ALPK2: variants seen among roughly 807,000 people sequenced by gnomAD.
ALPK2 encodes alpha kinase 2, also known as alpha-protein kinase 2.
ALPK2 carries 127 observed loss-of-function variants against 163.1 expected under a neutral mutation model. The ratio of observed to expected loss-of-function variants is 0.78; its 90% CI spans 0.67 to 0.90. The LOEUF is 0.90. Ranked by LOEUF, ALPK2 falls within the 40% of genes least tolerant of loss-of-function variation. ALPK2 has a pLI of 0.00. For missense variants in ALPK2, 2,360 were observed against 2,589.6 expected (o/e 0.91, Z 1.92); for synonymous variants, 953 against 959.1 (o/e 0.99, Z 0.12).
In ALPK2 at chr18:58,529,209, C is replaced by T. The variant is rs562011454; in HGVS notation, c.5383G>A (p.Glu1795Lys). 1 of 1,613,116 alleles carries T rather than the reference C, an allele frequency of 6.2e-7. No homozygotes were observed. Among genetic ancestry groups the T allele is most frequent in the African/African-American group, 1.3e-5 (1 of 75,004 alleles). Reference protein sequence around the residue: ...APVLLKKIQAEMFPEHSGNVK... With the variant: ...APVLLKKIQAKMFPEHSGNVK... ...TTTCCAGAGTGTTCAGGGAACATCT[C>T]AGCTTGGATCTTTTTCAGTAATACT... The change falls in exon 6 of 13, where the codon GAG becomes AAG. Residue 1795 changes from glutamate (E) to lysine (K), a missense_variant. Physicochemically the swap from Glu to Lys is moderately conservative, Grantham distance 56. Transcript: ENST00000361673.
chr18:58,521,211 C>A (rs1248776419), intron 8 of ALPK2, among the ~76,000 whole-genome samples: 1 of 152,140 alleles, frequency 6.6e-6, no homozygotes, highest in East Asian at 1.9e-4. Flanking sequence ...TGGGCTATAG[C>A]GGTGGTACCA....
At chr18:58,490,677 G>A (rs975070443) in intron 12 of ALPK2, among the ~76,000 whole-genome samples, 14 of 152,012 alleles carry the variant, frequency 9.2e-5, no homozygotes, top group Non-Finnish European at 1.6e-4. Context: ...AGAAAAATGT[G>A]AGAGGAGGGC....
At chr18:58,564,254 C>T (rs983539676) in intron 4 of ALPK2, among the ~76,000 whole-genome samples, 2 of 151,388 alleles carry the variant, frequency 1.3e-5, no homozygotes, top group Non-Finnish European at 2.9e-5. Flanking sequence ...TCCCACATAG[C>T]TGGGATTACA....
rs766982751 is a variant in ALPK2, at chr18:58,503,976, C to T, written c.6202G>A (p.Val2068Met). Residue 2068 changes from valine (V) to methionine (M), a missense_variant, in exon 11 of 13, where the codon GTG becomes ATG. Coordinates refer to ENST00000361673, the MANE Select transcript of ALPK2 (RefSeq NM_052947.4). Reference protein sequence around the residue: ...GQKCCTFQHWVYQKTSGCLLV... With the variant: ...GQKCCTFQHWMYQKTSGCLLV... ...AGGCAGCCACTTGTTTTCTGGTACA[C>T]CCAGTGCTGGAAGGTGCAACATTTC... is the stretch of plus-strand genomic sequence containing the variant. 6.2e-7 allele frequency: 1 copy of T among 1,614,152 alleles called. No homozygotes were observed. Among genetic ancestry groups the T allele is most frequent in the South Asian group, 1.1e-5 (1 of 91,078 alleles).
chr18:58,542,905 G>A lies in ALPK2; in HGVS notation c.1963-4681C>T, dbSNP rs1037521549. 2.0e-5 allele frequency among the ~76,000 whole-genome samples: 3 copies of A among 152,176 alleles called. 1 individual carries two copies. Among genetic ancestry groups the A allele is most frequent in the Non-Finnish European group, 4.4e-5 (3 of 68,032 alleles). ...GTGGTGTGGGTCAGGAGTTTGCAGAGTGCTAGTTTGAATGTCCACTCAAAA... is the reference window on the plus strand; with the variant it reads ...GTGGTGTGGGTCAGGAGTTTGCAGAATGCTAGTTTGAATGTCCACTCAAAA... On this transcript the variant is annotated intron_variant, in intron 4 of 12. Coordinates refer to ENST00000361673, the MANE Select transcript of ALPK2 (RefSeq NM_052947.4).
chr18:58,487,880 A>T (rs1602181641), intron 12 of ALPK2, among the ~76,000 whole-genome samples: 1 of 140,796 alleles, frequency 7.1e-6, no homozygotes, highest in African/African-American at 2.7e-5. Flanking sequence ...AAAAACAAAA[A>T]ATATGAATAG....
rs2051410507 is a variant in ALPK2, at chr18:58,498,111, A to G, written c.6248-14T>C. 2.4e-5 allele frequency: 39 copies of G among 1,614,046 alleles called. No individual in the cohort carries two copies. The highest frequency in any genetic ancestry group is 3.3e-5 in the Non-Finnish European group (39 of 1,179,930). ...TCATTCCTACACCTACAGGAAGAGA[A>G]AGCAAAGATGGGAGTTTGTGTTACT... On this transcript the variant is annotated splice_polypyrimidine_tract_variant and intron_variant, in intron 11 of 12. Coordinates refer to ENST00000361673, the MANE Select transcript of ALPK2 (RefSeq NM_052947.4).
At chr18:58,487,710 C>T (rs2051346833) in intron 12 of ALPK2, among the ~76,000 whole-genome samples, 1 of 152,232 alleles carries the variant, frequency 6.6e-6, no homozygotes, top group South Asian at 2.1e-4. Context: ...AGAATTGGAA[C>T]ACTAAATGTA....
chr18:58,599,676 A>G (rs1250391590), intron 3 of ALPK2, among the ~76,000 whole-genome samples: 1 of 152,244 alleles, frequency 6.6e-6, no homozygotes, highest in Admixed American at 6.5e-5. Flanking sequence ...TATTTTAATC[A>G]GTTCCAAAAT....
intron 4 of ALPK2, among the ~76,000 whole-genome samples, chr18:58,574,380 C>T (rs565725523): frequency 6.7e-5 from 9 of 133,360 alleles, no homozygotes; most frequent in African/African-American, 1.4e-4. Flanking sequence ...ACCCAGGAGG[C>T]GGAGGTTGCA....
intron 1 of ALPK2, among the ~76,000 whole-genome samples, chr18:58,620,239 C>T (rs2052191268): frequency 2.6e-5 from 4 of 152,040 alleles, no homozygotes; most frequent in South Asian, 2.1e-4. Context: ...GGCAGAGAGC[C>T]GAGATCACGC....
At chr18:58,516,091 C>T (rs1306460672) in intron 9 of ALPK2, among the ~76,000 whole-genome samples, 1 of 151,964 alleles carries the variant, frequency 6.6e-6, no homozygotes, top group Non-Finnish European at 1.5e-5. Flanking sequence ...TGATGGCATG[C>T]GCCTGTAGTC....
At position 58,523,972 on chromosome 18, in the gene ALPK2, G is replaced by A. The variant is rs751718165; in HGVS notation, c.5592C>T (p.Tyr1864=). ...GLYYCCIKNS[Y]GKVTAEFNLT... ...GGTTAAATTCAGCAGTCACTTTTCCGTAGCTGTTCTTGATGCAGCAGTAAT... is the reference window on the plus strand; with the variant it reads ...GGTTAAATTCAGCAGTCACTTTTCCATAGCTGTTCTTGATGCAGCAGTAAT... The change falls in exon 7 of 13, where the codon TAC becomes TAT. Residue 1864 remains tyrosine (Y), a synonymous_variant. Coordinates refer to ENST00000361673, the MANE Select transcript of ALPK2 (RefSeq NM_052947.4). 24 of 1,614,136 alleles carry A rather than the reference G, an allele frequency of 1.5e-5. No homozygotes were observed. The highest frequency in any genetic ancestry group is 6.7e-5 in the East Asian group (3 of 44,872).
intron 10 of ALPK2, among the ~76,000 whole-genome samples, chr18:58,507,030 T>G (rs1386946960): frequency 7.9e-5 from 12 of 152,214 alleles, no homozygotes; most frequent in Non-Finnish European, 8.8e-5. Flanking sequence ...AGATACCACT[T>G]TCAAGGGCCT....
In ALPK2 at chr18:58,537,434, G is replaced by A; in HGVS notation, c.2753C>T (p.Thr918Ile). ...ATGTACTGTGGAGGCCAGTGGGTAGGTGGAATTCTCCACCTTGGCTAGATT... is the reference window on the plus strand; with the variant it reads ...ATGTACTGTGGAGGCCAGTGGGTAGATGGAATTCTCCACCTTGGCTAGATT... ...GENLAKVENSTYPLASTVHAG... is the reference protein window; with the variant it reads ...GENLAKVENSIYPLASTVHAG... Residue 918 changes from threonine to isoleucine, a missense_variant, in exon 5 of 13, where the codon ACC (threonine) becomes ATC (isoleucine). Physicochemically the swap from Thr to Ile is moderately conservative, Grantham distance 89. Coordinates refer to ENST00000361673, the MANE Select transcript of ALPK2 (RefSeq NM_052947.4). The A allele has an allele frequency of 6.2e-7, 1 of 1,613,344 alleles. No homozygotes were observed. Among genetic ancestry groups the A allele is most frequent in the Non-Finnish European group, 8.5e-7 (1 of 1,179,436 alleles).
chr18:58,607,252 C>A, intron 3 of ALPK2, 70 bp downstream of exon 3: 1 of 1,142,402 alleles, frequency 8.8e-7, no homozygotes, highest in Non-Finnish European at 1.2e-6. Context: ...TTGGCCTTAC[C>A]TCATAGTAAT....
intron 3 of ALPK2, among the ~76,000 whole-genome samples, chr18:58,595,538 G>C (rs893291906): frequency 6.6e-6 from 1 of 152,084 alleles, no homozygotes; most frequent in African/African-American, 2.4e-5. Context: ...CAGAATTTTG[G>C]GGTTCTAACC....
In ALPK2 at chr18:58,597,822, G is replaced by A. The variant is rs184466728; in HGVS notation, c.227+9500C>T. Reference sequence around the variant, plus strand: ...GGCAGGGCCTCTGGGAGGTGATATGGTTTAGATGAGGTCACAAGGGTGGGG... The same window carrying A: ...GGCAGGGCCTCTGGGAGGTGATATGATTTAGATGAGGTCACAAGGGTGGGG... On this transcript the variant is annotated intron_variant, in intron 3 of 12. Transcript: ENST00000361673. Among the ~76,000 whole-genome samples the A allele has an allele frequency of 9.8e-5, 15 of 152,340 alleles. No homozygotes were observed. The East Asian group carries it at 2.9e-3, about 29-fold the overall frequency.
chr18:58,603,979 G>T (rs1319188938), intron 3 of ALPK2, among the ~76,000 whole-genome samples: 4 of 152,278 alleles, frequency 2.6e-5, no homozygotes, highest in African/African-American at 9.6e-5. Flanking sequence ...CTTCCCCGCC[G>T]TCTCACTTGC....
Sources: allele counts gnomAD v4.1 joint callset (sites outside exome capture counted in the v4.1 genomes callset), GRCh38; gene constraint gnomAD v4.1.1; transcripts MANE v1.5; gene names NCBI Gene and HGNC (gene_info 2026-07-23, HGNC 2026-07-21).